TNKS: variants seen among roughly 807,000 people sequenced by gnomAD.
TNKS encodes the protein poly [ADP-ribose] polymerase tankyrase-1.
TNKS carries 72 observed loss-of-function variants against 135.8 expected under a neutral mutation model. The ratio of observed to expected loss-of-function variants is 0.53; its 90% CI spans 0.44 to 0.64. The LOEUF is 0.64. TNKS is among the 30% of genes least tolerant of loss of function. The pLI is 0.00. For synonymous variants in TNKS, 849 were observed against 649.3 expected (o/e 1.31, Z -4.68); for missense variants, 1,769 against 1,674.0 (o/e 1.06, Z -0.99).
At chr8:9,768,257 C>G (rs545384822) in intron 25 of TNKS, among the ~76,000 whole-genome samples, 1 of 152,244 alleles carries the variant, frequency 6.6e-6, no homozygotes, top group South Asian at 2.1e-4. Context: ...CCAAAAGGAA[C>G]TGAGGTGGAG....
At chr8:9,624,986 A>G (rs1800004271) in intron 3 of TNKS, among the ~76,000 whole-genome samples, 1 of 152,124 alleles carries the variant, frequency 6.6e-6, no homozygotes, top group African/African-American at 2.4e-5. Flanking sequence ...ATAAATGCAG[A>G]ACCCACAGAT....
At chr8:9,573,062 A>G (rs1048342601) in intron 1 of TNKS, among the ~76,000 whole-genome samples, 2 of 151,922 alleles carry the variant, frequency 1.3e-5, no homozygotes, top group South Asian at 2.1e-4. Context: ...AGCCATTCTC[A>G]TATTTTAGAT....
At chr8:9,728,957 T>C (rs542643047) in intron 13 of TNKS, among the ~76,000 whole-genome samples, 80 of 152,270 alleles carry the variant, frequency 5.3e-4, no homozygotes, top group Middle Eastern at 3.4e-3. Flanking sequence ...TACCATAGAC[T>C]GGGCAATTTC....
chr8:9,606,075 A>T (rs1799206167), intron 2 of TNKS, among the ~76,000 whole-genome samples: 1 of 149,328 alleles, frequency 6.7e-6, no homozygotes, highest in African/African-American at 2.5e-5. Context: ...AGTCTTTTTT[A>T]TGTTAAGTCT....
In TNKS at chr8:9,640,926, T is replaced by A. The variant is rs894451512; in HGVS notation, c.994+25249T>A. Reference sequence around the variant, plus strand: ...GAATGACAGCTACTTTTTTGCCCAGTCATACATTGCCCCTCATTTTCTAAT... The same window carrying A: ...GAATGACAGCTACTTTTTTGCCCAGACATACATTGCCCCTCATTTTCTAAT... On this transcript the variant is annotated intron_variant, in intron 3 of 26. Coordinates refer to ENST00000310430, the MANE Select transcript of TNKS (RefSeq NM_003747.3). Among the ~76,000 whole-genome samples the A allele has an allele frequency of 2.7e-5, 4 of 146,150 alleles. 1 individual carries two copies. The highest frequency in any genetic ancestry group is 1.4e-4 in the Admixed American group (2 of 13,806).
intron 3 of TNKS, chr8:9,658,417 G>A (rs536242232): frequency 4.2e-5 from 53 of 1,252,578 alleles, no homozygotes; most frequent in Admixed American, 2.4e-4. Flanking sequence ...CCATCCTCCC[G>A]GCGGTCGGGC....
At chr8:9,627,840 T>G (rs953982032) in intron 3 of TNKS, among the ~76,000 whole-genome samples, 1 of 152,228 alleles carries the variant, frequency 6.6e-6, no homozygotes, top group African/African-American at 2.4e-5. Flanking sequence ...CCATTTCTTT[T>G]TACACATTTA....
chr8:9,604,657 A>G (rs906717659), intron 2 of TNKS, among the ~76,000 whole-genome samples: 3 of 151,950 alleles, frequency 2.0e-5, no homozygotes, highest in Admixed American at 1.3e-4. Context: ...ATGATTAATG[A>G]ATTTATCCTG....
intron 26 of TNKS, among the ~76,000 whole-genome samples, chr8:9,771,355 GGAGA>G (rs201187171): frequency 8.0e-5 from 8 of 99,602 alleles, no homozygotes; most frequent in Non-Finnish European, 1.7e-4. Flanking sequence ...AAGCAGGGAG[GGAGA>G]GAGAGAGGAA....
intron 3 of TNKS, among the ~76,000 whole-genome samples, chr8:9,639,844 T>A (rs1800656513): frequency 6.6e-6 from 1 of 152,204 alleles, no homozygotes; most frequent in Admixed American, 6.5e-5. Flanking sequence ...TTCATTCACT[T>A]TCCTTTAAAA....
chr8:9,680,676 A>G (rs1389842598), intron 4 of TNKS, 49 bp from the exon 5 acceptor site: 7 of 1,358,492 alleles, frequency 5.2e-6, no homozygotes, highest in Non-Finnish European at 3.1e-6. Flanking sequence ...ATAAATATTC[A>G]TAAGAAGCTT....
rs1803959928 is a variant in TNKS at position 9,704,538 on chromosome 8, A to G, written c.1108-125A>G. 9 of 721,852 alleles carry G rather than the reference A, an allele frequency of 1.2e-5. No homozygotes were observed. The South Asian group carries it at 1.5e-4, about 12-fold the overall frequency. 44.7% of individuals were successfully genotyped at this position (721,852 alleles called of 1,614,324 possible). ...TCTCTCCTTAAGTTATGAAATGTGAATTTTTGACATTTCAGCGCAGTATTT... is the reference window on the plus strand; with the variant it reads ...TCTCTCCTTAAGTTATGAAATGTGAGTTTTTGACATTTCAGCGCAGTATTT... On this transcript the variant is annotated intron_variant, in intron 5 of 26. Coordinates refer to ENST00000310430, the MANE Select transcript of TNKS (RefSeq NM_003747.3).
intron 26 of TNKS, among the ~76,000 whole-genome samples, chr8:9,770,569 G>C (rs76972663): frequency 0.12 from 17,776 of 152,174 alleles, 1,450 homozygotes; most frequent in African/African-American, 0.23. Flanking sequence ...CCACTTCGTG[G>C]GCAGCATGCC....
intron 11 of TNKS, among the ~76,000 whole-genome samples, chr8:9,713,105 C>A (rs912286094): frequency 2.0e-5 from 3 of 151,998 alleles, no homozygotes; most frequent in Non-Finnish European, 4.4e-5. Flanking sequence ...TAAAATGGCA[C>A]TTTATGTTTT....
intron 18 of TNKS, among the ~76,000 whole-genome samples, chr8:9,750,152 T>A (rs1806445168): frequency 6.6e-6 from 1 of 151,848 alleles, no homozygotes; most frequent in Admixed American, 6.6e-5. Flanking sequence ...ACCTTAGAGG[T>A]TTTTTAAAGA....
chr8:9,606,609 T>G (rs1289317482), intron 2 of TNKS, among the ~76,000 whole-genome samples: 1 of 152,134 alleles, frequency 6.6e-6, no homozygotes, highest in African/African-American at 2.4e-5. Context: ...TTTATTTTCT[T>G]TAAGTCTTTG....
intron 2 of TNKS, among the ~76,000 whole-genome samples, chr8:9,614,476 A>T (rs1799567935): frequency 6.6e-6 from 1 of 152,212 alleles, no homozygotes; most frequent in East Asian, 1.9e-4. Context: ...TTTGTCCATT[A>T]TAACAAAGCC....
chr8:9,773,010 T>G (rs946631232), intron 26 of TNKS, among the ~76,000 whole-genome samples: 1 of 151,670 alleles, frequency 6.6e-6, no homozygotes, highest in Admixed American at 6.6e-5. Flanking sequence ...TTTTGCAACT[T>G]ACTTGTAAGT....
At chr8:9,620,756 C>T (rs549153401) in intron 3 of TNKS, among the ~76,000 whole-genome samples, 3 of 152,350 alleles carry the variant, frequency 2.0e-5, no homozygotes, top group South Asian at 2.1e-4. Flanking sequence ...CTAGTTCAAA[C>T]GTCTGCTCCT....
Sources: gnomAD v4.1 joint callset for allele counts (sites outside exome capture counted in the v4.1 genomes callset) on GRCh38, gnomAD v4.1.1 for gene constraint, MANE v1.5 for transcripts, NCBI Gene and HGNC (gene_info 2026-07-23, HGNC 2026-07-21) for gene names.